Variants in LEMD1 observed in about 807,000 individuals in gnomAD.
The protein encoded by LEMD1 is LEM domain containing 1.
In LEMD1, 18 loss-of-function variants were observed where a neutral mutation model predicts 17.4. The ratio of observed to expected loss-of-function variants is 1.04; its 90% CI spans 0.72 to 1.54. The LOEUF is 1.54. Ranked by LOEUF, LEMD1 falls within the 40% of genes most tolerant of loss-of-function variation. The pLI is 0.00. For synonymous variants in LEMD1, 88 were observed against 77.8 expected (o/e 1.13, Z -0.69); for missense variants, 195 against 210.4 (o/e 0.93, Z 0.45).
intron 4 of LEMD1, among the ~76,000 whole-genome samples, chr1:205,400,871 A>T (rs1455897488): frequency 1.0e-5 from 1 of 96,280 alleles, no homozygotes; most frequent in East Asian, 3.4e-4. Context: ...AACAGTCACC[A>T]GAGTGTGATG....
intron 4 of LEMD1, among the ~76,000 whole-genome samples, chr1:205,410,721 C>T (rs939751670): frequency 6.6e-5 from 10 of 152,000 alleles, no homozygotes; most frequent in Non-Finnish European, 1.3e-4. Flanking sequence ...GAAAAAGTAG[C>T]GAGGCATGGT....
chr1:205,384,513 G>T, intron 4 of LEMD1, 149 bp from the exon 5 acceptor site: 1 of 516,742 alleles, frequency 1.9e-6, no homozygotes, highest in Non-Finnish European at 3.4e-6. Context: ...AAACTTGTTT[G>T]TCTTTATTCA....
chr1:205,441,590 T>A lies in LEMD1; in HGVS notation c.-39+8278A>T, dbSNP rs770056689. 3.3e-5 allele frequency among the ~76,000 whole-genome samples: 5 copies of A among 152,068 alleles called. No homozygotes were observed. The highest frequency in any genetic ancestry group is 5.9e-5 in the Non-Finnish European group (4 of 67,974). The stretch of plus-strand genomic sequence containing the variant: ...GACCGAGTCAGATTCCTCCCTTCCT[T>A]AACAACCCCAAGTTGTCTGACACCC... On this transcript the variant is annotated intron_variant, in intron 1 of 3. Transcript: ENST00000367154. The surrounding 1 kb of genome is among the most constrained non-coding windows in gnomAD (Gnocchi z 4.3).
chr1:205,405,980 T>A (rs1257295259), intron 4 of LEMD1, among the ~76,000 whole-genome samples: 1 of 152,214 alleles, frequency 6.6e-6, no homozygotes, highest in Non-Finnish European at 1.5e-5. Context: ...CCAGACCCCG[T>A]TTGCCTGGGT....
chr1:205,440,960 CCTT>C (rs1558743569), intron 1 of LEMD1: 1 of 152,454 alleles, frequency 6.6e-6, no homozygotes. Flanking sequence ...TGAACTTCCT[CCTT>C]CTTCCTCTTC....
At chr1:205,432,586 C>G (rs552309868) in intron 1 of LEMD1, among the ~76,000 whole-genome samples, 1 of 152,326 alleles carries the variant, frequency 6.6e-6, no homozygotes, top group African/African-American at 2.4e-5. Flanking sequence ...AACAATAAGG[C>G]TTACCTGTGA....
intron 4 of LEMD1, among the ~76,000 whole-genome samples, chr1:205,388,665 C>T (rs1664166322): frequency 6.6e-6 from 1 of 152,186 alleles, no homozygotes; most frequent in Non-Finnish European, 1.5e-5. Context: ...AAATACATTT[C>T]TATTATTATA....
chr1:205,441,291 C>T lies in LEMD1; in HGVS notation c.-39+8577G>A, dbSNP rs1415544141. Among the ~76,000 whole-genome samples, 1 of 152,172 alleles carries T rather than the reference C, an allele frequency of 6.6e-6. No individual in the cohort carries two copies. Among genetic ancestry groups the T allele is most frequent in the Admixed American group, 6.5e-5 (1 of 15,290 alleles). The stretch of plus-strand genomic sequence containing the variant: ...TGTGTGGAGCTGATGTCATTCCTCA[C>T]ATTGGAGACAGGGTGAGTCCAAGGG... On this transcript the variant is annotated intron_variant, in intron 1 of 3. Coordinates refer to the LEMD1 transcript ENST00000367154. The surrounding 1 kb of genome is among the most constrained non-coding windows in gnomAD (Gnocchi z 4.3).
At chr1:205,406,124 C>A (rs1421215432) in intron 4 of LEMD1, among the ~76,000 whole-genome samples, 1 of 152,212 alleles carries the variant, frequency 6.6e-6, no homozygotes, top group Non-Finnish European at 1.5e-5. Context: ...CTGGGGGGTG[C>A]CTCCCAGTTA....
chr1:205,424,645 A>G (rs1297799719), upstream of LEMD1, among the ~76,000 whole-genome samples: 1 of 152,238 alleles, frequency 6.6e-6, no homozygotes, highest in Non-Finnish European at 1.5e-5. Context: ...CCAAAGGTAC[A>G]TTGAAGCTGA....
intron 5 of LEMD1, among the ~76,000 whole-genome samples, chr1:205,383,255 G>A (rs1268457796): frequency 1.3e-5 from 2 of 152,018 alleles, no homozygotes; most frequent in African/African-American, 4.8e-5. Context: ...CACCATGCCT[G>A]GCTAATTTTT....
rs935651192 is a variant in LEMD1 at position 205,416,166 on chromosome 1, T to C, written c.270+66A>G. 7.9e-6 allele frequency: 8 copies of C among 1,009,444 alleles called. No homozygotes were observed. In the Admixed American group the frequency reaches 1.6e-4, roughly 20 times the overall value. The allele number at this position is 1,009,444 out of a possible 1,614,324, so 62.5% of individuals were successfully genotyped here. A position where few individuals can be genotyped will look rare whatever the true frequency, so the allele number is the denominator to read the frequency against. On this transcript the variant is annotated intron_variant, in intron 4 of 5. Coordinates refer to ENST00000367153, the MANE Select transcript of LEMD1 (RefSeq NM_001199050.2). ...TTGCTATCCCCTTTCTTAATACAGA[T>C]GAACAGAGCTACTCCCTGTTTTTAA... is the stretch of plus-strand genomic sequence containing the variant.
At position 205,416,231 on chromosome 1, in the gene LEMD1, CT is replaced by C. The variant is rs1046047834; in HGVS notation, c.270del (p.Lys90AsnfsTer13). 5.9e-6 allele frequency: 9 copies of C among 1,532,180 alleles called. No homozygotes were observed. Among genetic ancestry groups the C allele is most frequent in the Non-Finnish European group, 8.0e-6 (9 of 1,130,720 alleles). The allele number at this position is 1,532,180 out of a possible 1,614,324, so 94.9% of individuals were successfully genotyped here. A position where few individuals can be genotyped will look rare whatever the true frequency, so the allele number is the denominator to read the frequency against. ...LSTEKSKKLKKWPEASTTKRK... is the reference protein window; with the variant it reads ...LSTEKSKKLKXWPEASTTKRK... ...TATTCAGGCATTAGAATGGTACATA[CT>C]TTTTTGAGTTTCTTGCTTTTTTCTG... On this transcript the variant is annotated frameshift_variant and splice_region_variant, in exon 4 of 6. Transcript: ENST00000367153. LOFTEE classifies it high-confidence loss of function.
chr1:205,387,563 A>G (rs1423866145), intron 4 of LEMD1: 1 of 152,236 alleles, frequency 6.6e-6, no homozygotes, highest in African/African-American at 2.4e-5. Context: ...GTGTTTATTA[A>G]AGCAGTGGCT....
At position 205,419,212 on chromosome 1, in the gene LEMD1, T is replaced by C; in HGVS notation, c.205+18A>G. 6.2e-7 allele frequency: 1 copy of C among 1,612,718 alleles called. No individual in the cohort carries two copies. The highest frequency in any genetic ancestry group is 8.5e-7 in the Non-Finnish European group (1 of 1,179,154). ...TAAGTGCAAAGTTGCCATCTAGCAG[T>C]ACAGCTTATGGCGGTACCTTCGCTG... On this transcript the variant is annotated intron_variant, in intron 3 of 5. Coordinates refer to ENST00000367153, the MANE Select transcript of LEMD1 (RefSeq NM_001199050.2).
chr1:205,440,071 G>A (rs1666267862), intron 1 of LEMD1, among the ~76,000 whole-genome samples: 1 of 152,098 alleles, frequency 6.6e-6, no homozygotes, highest in African/African-American at 2.4e-5. Flanking sequence ...TGGCTTCTGA[G>A]GAGAGAAGAA....
chr1:205,386,712 C>T (rs755090343), intron 4 of LEMD1: 1 of 152,216 alleles, frequency 6.6e-6, no homozygotes, highest in African/African-American at 2.4e-5. Context: ...CACATGCAAA[C>T]AGCACCTTTC....
At chr1:205,393,851 C>T in intron 4 of LEMD1, among the ~76,000 whole-genome samples, 1 of 141,764 alleles carries the variant, frequency 7.1e-6, no homozygotes, top group African/African-American at 2.7e-5. Context: ...TCCTAGGTAC[C>T]TAGCCAAAAA....
At chr1:205,424,981 A>G (rs1415784916), upstream of LEMD1, among the ~76,000 whole-genome samples, 1 of 152,224 alleles carries the variant, frequency 6.6e-6, no homozygotes, top group Admixed American at 6.5e-5. Context: ...AGGACTAGAG[A>G]GGAAGACACA....
Sources: gnomAD v4.1 joint callset for allele counts (sites outside exome capture counted in the v4.1 genomes callset) on GRCh38, gnomAD v4.1.1 for gene constraint, Gnocchi (gnomAD v3.1) non-coding constraint, MANE v1.5 for transcripts, NCBI Gene and HGNC (gene_info 2026-07-23, HGNC 2026-07-21) for gene names.